Variants in DIS3L observed in about 807,000 individuals in gnomAD.
DIS3L encodes the protein DIS3-like exonuclease 1.
DIS3L carries 100 observed loss-of-function variants against 120.3 expected under a neutral mutation model. The ratio of observed to expected loss-of-function variants is 0.83; its 90% CI spans 0.71 to 0.98. DIS3L has a LOEUF of 0.98. DIS3L is among the 50% of genes least tolerant of loss of function. The pLI is 0.00. For synonymous variants in DIS3L, 426 were observed against 470.6 expected (o/e 0.91, Z 1.23); for missense variants, 1,196 against 1,314.2 (o/e 0.91, Z 1.39).
At position 66,295,001 on chromosome 15, in the gene DIS3L, G is replaced by T; in HGVS notation, c.153G>T (p.Leu51Phe). Residue 51 changes from leucine to phenylalanine, a missense_variant, in exon 2 of 17, where the codon TTG becomes TTT. Coordinates refer to ENST00000319212, the MANE Select transcript of DIS3L (RefSeq NM_001143688.3). Reference sequence around the variant, plus strand: ...ATTATGTTTCAGATGGGAAACTCTTGTCTAGTGATGTGACTCATTACGTGA... The same window carrying T: ...ATTATGTTTCAGATGGGAAACTCTTTTCTAGTGATGTGACTCATTACGTGA... ...PAACSHDGKL[L>F]SSDVTHYVIP... 6.2e-7 allele frequency: 1 copy of T among 1,612,764 alleles called. No homozygotes were observed. Among genetic ancestry groups the T allele is most frequent in the Non-Finnish European group, 8.5e-7 (1 of 1,179,276 alleles).
Position 66,333,399 on chromosome 15 carries a change from C to A in DIS3L, c.*87C>A. On this transcript the variant is annotated 3_prime_UTR_variant, in exon 17 of 17. Transcript: ENST00000319212. ...CATTTAATGTGTGTCACTCAGTGCTCTAGTCGATCAGGACTGGGTAGCTAT... is the reference window on the plus strand; with the variant it reads ...CATTTAATGTGTGTCACTCAGTGCTATAGTCGATCAGGACTGGGTAGCTAT... 7.2e-7 allele frequency: 1 copy of A among 1,381,604 alleles called. No homozygotes were observed. The highest frequency in any genetic ancestry group is 9.9e-7 in the Non-Finnish European group (1 of 1,014,442). 85.6% of individuals were successfully genotyped at this position (1,381,604 alleles called of 1,614,324 possible). A position where few individuals can be genotyped will look rare whatever the true frequency, so the allele number is the denominator to read the frequency against.
At chr15:66,330,284 G>A (rs954024109) in intron 14 of DIS3L, 10 of 984,768 alleles carry the variant, frequency 1.0e-5, no homozygotes, top group African/African-American at 5.3e-5. Flanking sequence ...GTGACAGAGC[G>A]AAACTCCGTC....
intron 14 of DIS3L, chr15:66,330,280 G>A (rs2140416596): frequency 1.0e-6 from 1 of 985,032 alleles, no homozygotes; most frequent in Non-Finnish European, 1.2e-6. Flanking sequence ...CTGGGTGACA[G>A]AGCGAAACTC....
At position 66,322,925 on chromosome 15, in the gene DIS3L, C is replaced by G; in HGVS notation, c.1565C>G (p.Ala522Gly). 10 of 1,614,052 alleles carry G rather than the reference C, an allele frequency of 6.2e-6. No homozygotes were observed. The highest frequency in any genetic ancestry group is 8.5e-6 in the Non-Finnish European group (10 of 1,180,008). Reference protein sequence around the residue: ...VAPNSYIDIEARTRATTYYLA... With the variant: ...VAPNSYIDIEGRTRATTYYLA... The stretch of plus-strand genomic sequence containing the variant: ...CCAAATTCTTACATTGATATTGAAG[C>G]TAGAACAAGGTAATGCTATTTGAAA... Residue 522 changes from alanine (A) to glycine (G), a missense_variant, in exon 10 of 17, where the codon GCT becomes GGT. Physicochemically the swap from Ala to Gly is moderately conservative, Grantham distance 60 (BLOSUM62 0). Coordinates refer to ENST00000319212, the MANE Select transcript of DIS3L (RefSeq NM_001143688.3).
At chr15:66,303,204 T>C (rs2092666389) in intron 2 of DIS3L, among the ~76,000 whole-genome samples, 1 of 152,234 alleles carries the variant, frequency 6.6e-6, no homozygotes, top group East Asian at 1.9e-4. Context: ...ATTCATCCAT[T>C]GATAGATTGC....
In DIS3L at chr15:66,315,075, G is replaced by C; in HGVS notation, c.854G>C (p.Arg285Pro). ...SDILIHGMKA[R>P]NRSIHGDVVV... Reference sequence around the variant, plus strand: ...ATCCTAATCCACGGGATGAAGGCTCGAAACCGCTCAATTCATGGAGATGTG... The same window carrying C: ...ATCCTAATCCACGGGATGAAGGCTCCAAACCGCTCAATTCATGGAGATGTG... Residue 285 changes from arginine to proline, a missense_variant, in exon 7 of 17, where the codon CGA becomes CCA. By Grantham distance (103) the Arg-to-Pro change is moderately radical. Transcript: ENST00000319212. 6.2e-7 allele frequency: 1 copy of C among 1,614,040 alleles called. No homozygotes were observed. Among genetic ancestry groups the C allele is most frequent in the Non-Finnish European group, 8.5e-7 (1 of 1,179,988 alleles).
At chr15:66,331,756 A>G in intron 14 of DIS3L, 119 bp from the exon 15 acceptor site, 1 of 1,169,386 alleles carries the variant, frequency 8.6e-7, no homozygotes, top group African/African-American at 1.5e-5. Context: ...ATTTCATAGT[A>G]GAGAACAATT....
intron 2 of DIS3L, among the ~76,000 whole-genome samples, chr15:66,304,111 AAC>A (rs1446657506): frequency 1.4e-3 from 163 of 117,578 alleles, no homozygotes; most frequent in South Asian, 2.9e-3. Context: ...AAAAAAAAAA[AAC>A]AATATGGCAT....
At chr15:66,327,114 G>A (rs529823363) in intron 12 of DIS3L, among the ~76,000 whole-genome samples, 9 of 151,696 alleles carry the variant, frequency 5.9e-5, no homozygotes, top group African/African-American at 2.2e-4. Flanking sequence ...ATTTTTAGTA[G>A]AGACAGGGTT....
chr15:66,327,680 G>C (rs183027170), intron 12 of DIS3L, among the ~76,000 whole-genome samples: 2 of 152,192 alleles, frequency 1.3e-5, no homozygotes, highest in East Asian at 3.9e-4. Flanking sequence ...GGAGGCGGAG[G>C]TTGCAGTGAC....
chr15:66,330,407 C>T (rs2092988024), intron 14 of DIS3L: 1 of 985,316 alleles, frequency 1.0e-6, no homozygotes. Context: ...GCTTTCTATT[C>T]TATTTCATAT....
At chr15:66,304,107 A>AAC (rs1247672065) in intron 2 of DIS3L, among the ~76,000 whole-genome samples, 20 of 148,716 alleles carry the variant, frequency 1.3e-4, no homozygotes, top group African/African-American at 4.7e-4. Context: ...AAAAAAAAAA[A>AAC]AAAAACAATA....
chr15:66,305,706 A>G (rs1232415618), intron 2 of DIS3L, among the ~76,000 whole-genome samples: 1 of 151,650 alleles, frequency 6.6e-6, no homozygotes, highest in East Asian at 1.9e-4. Context: ...TGTATTTTTA[A>G]TTTGTGTAAA....
At position 66,293,713 on chromosome 15, in the gene DIS3L, G is replaced by A; in HGVS notation, c.117G>A (p.Pro39=). Residue 39 remains proline, a synonymous_variant, in exon 1 of 17, where the codon CCG becomes CCA. Transcript: ENST00000319212. ...TGCCCTGCCACAGCCCGCTCTGCCCGCAGCCCGCCGCCTGCAGCCACGGTC... is the reference window on the plus strand; with the variant it reads ...TGCCCTGCCACAGCCCGCTCTGCCCACAGCCCGCCGCCTGCAGCCACGGTC... The part of the protein sequence containing the change: ...PCVPCHSPLC[P]QPAACSHDGK... 4 of 1,323,154 alleles carry A rather than the reference G, an allele frequency of 3.0e-6. No individual in the cohort carries two copies. The highest frequency in any genetic ancestry group is 1.8e-5 in the South Asian group (1 of 54,168). 82.0% of individuals were successfully genotyped at this position (1,323,154 alleles called of 1,614,324 possible).
chr15:66,315,260 A>G, intron 7 of DIS3L, 45 bp downstream of exon 7: 1 of 1,537,864 alleles, frequency 6.5e-7, no homozygotes, highest in Non-Finnish European at 8.8e-7. Context: ...TTTCTTGTGG[A>G]ATTATATTTG....
At chr15:66,293,563 C>T (rs2092545206), upstream of DIS3L, 2 of 1,407,390 alleles carry the variant, frequency 1.4e-6, no homozygotes, top group Non-Finnish European at 9.3e-7. Flanking sequence ...TCCGCCGCGC[C>T]CGCCACTCCG....
rs569043350 is a variant in DIS3L at position 66,296,114 on chromosome 15, C to T, written c.293+973C>T. Among the ~76,000 whole-genome samples, 7 of 152,176 alleles carry T rather than the reference C, an allele frequency of 4.6e-5. No homozygotes were observed. In the South Asian group the frequency reaches 1.5e-3, roughly 32 times the overall value. On this transcript the variant is annotated intron_variant, in intron 2 of 16. Coordinates refer to ENST00000319212, the MANE Select transcript of DIS3L (RefSeq NM_001143688.3). ...CAAGATATAGATGTTTATACACATC[C>T]AAATTTAAATGCTGCTCCAGGTGTC...
intron 7 of DIS3L, 115 bp downstream of exon 7, chr15:66,315,330 T>A (rs2092806656): frequency 2.0e-6 from 2 of 980,216 alleles, no homozygotes; most frequent in South Asian, 4.7e-5. Flanking sequence ...TTATTTAAAT[T>A]GACAAAAACT....
At chr15:66,308,639 A>C (rs2092724297) in intron 3 of DIS3L, 70 bp from the exon 4 acceptor site, 1 of 1,544,114 alleles carries the variant, frequency 6.5e-7, no homozygotes, top group Non-Finnish European at 8.8e-7. Flanking sequence ...CAAAAGCCAG[A>C]TGTGAAATTC....
Sources: allele counts gnomAD v4.1 joint callset (sites outside exome capture counted in the v4.1 genomes callset), GRCh38; gene constraint gnomAD v4.1.1; transcripts MANE v1.5; gene names NCBI Gene and HGNC (gene_info 2026-07-23, HGNC 2026-07-21).